Variants in KIRREL3 observed in about 807,000 individuals in gnomAD.
The protein encoded by KIRREL3 is kirre like nephrin family adhesion molecule 3.
KIRREL3 carries 36 observed loss-of-function variants against 89.7 expected under a neutral mutation model. That is an observed-to-expected ratio of 0.40 (90% CI 0.31 to 0.53). KIRREL3 has a LOEUF of 0.53. Among genes scored for constraint, KIRREL3 ranks in the 20% least tolerant of loss-of-function variants. The probability of loss-of-function intolerance (pLI) is 0.49; values close to 1 mark genes in which losing one functional copy is unlikely to be tolerated. For missense variants in KIRREL3, 864 were observed against 1,056.6 expected (o/e 0.82, Z 2.53); for synonymous variants, 445 against 441.4 (o/e 1.01, Z -0.10).
intron 2 of KIRREL3, among the ~76,000 whole-genome samples, chr11:126,552,556 T>TG (rs1939359172): frequency 2.7e-5 from 2 of 73,848 alleles, no homozygotes; most frequent in East Asian, 2.6e-4. Context: ...AAAAGTTTTT[T>TG]TTTTTTTTTT....
intron 1 of KIRREL3, among the ~76,000 whole-genome samples, chr11:126,821,283 A>T (rs1943206572): frequency 6.8e-6 from 1 of 147,408 alleles, no homozygotes; most frequent in Non-Finnish European, 1.5e-5. Context: ...TCACCACTGT[A>T]AAGCTGATAG....
rs375880406 is a variant in KIRREL3, at chr11:126,766,362, G to A, written c.56-203450C>T. Among the ~76,000 whole-genome samples the A allele has an allele frequency of 2.0e-5, 3 of 152,020 alleles. No individual in the cohort carries two copies. The highest frequency in any genetic ancestry group is 4.4e-5 in the Non-Finnish European group (3 of 68,010). On this transcript the variant is annotated intron_variant, in intron 1 of 16. Transcript: ENST00000525144. The surrounding 1 kb of genome is among the most constrained non-coding windows in gnomAD (Gnocchi z 4.2). ...GCAGAATTAGAACACTCACTCCTACGCGGAGAAGAAAAAACTTGGGGAGAG... is the reference window on the plus strand; with the variant it reads ...GCAGAATTAGAACACTCACTCCTACACGGAGAAGAAAAAACTTGGGGAGAG...
intron 11 of KIRREL3, among the ~76,000 whole-genome samples, chr11:126,437,309 C>G (rs1440709962): frequency 6.6e-6 from 1 of 152,142 alleles, no homozygotes; most frequent in Non-Finnish European, 1.5e-5. Flanking sequence ...TACACAGCTC[C>G]CCACACATGG....
chr11:126,552,666 T>G (rs1189426996), intron 2 of KIRREL3, among the ~76,000 whole-genome samples: 1 of 147,046 alleles, frequency 6.8e-6, no homozygotes, highest in Non-Finnish European at 1.5e-5. Flanking sequence ...GTTCAAGTGA[T>G]TCTCCTGCCT....
rs907361144 is a variant in KIRREL3 at position 126,531,665 on chromosome 11, T to C, written c.134-4978A>G. 2.6e-5 allele frequency among the ~76,000 whole-genome samples: 4 copies of C among 152,058 alleles called. No individual in the cohort carries two copies. Among genetic ancestry groups the C allele is most frequent in the Admixed American group, 2.6e-4 (4 of 15,264 alleles). ...GTGACCCAGATGGAATCTTCTTTTT[T>C]CTCGTCTTCTCTCTATATTCTCATC... On this transcript the variant is annotated intron_variant, in intron 2 of 16. Coordinates refer to ENST00000525144, the MANE Select transcript of KIRREL3 (RefSeq NM_032531.4). The surrounding 1 kb of genome is among the most constrained non-coding windows in gnomAD (Gnocchi z 4.7).
chr11:126,953,338 G>C lies in KIRREL3; in HGVS notation c.55+47117C>G, dbSNP rs563891898. Among the ~76,000 whole-genome samples, 1 of 152,012 alleles carries C rather than the reference G, an allele frequency of 6.6e-6. No individual in the cohort carries two copies. The highest frequency in any genetic ancestry group is 2.4e-5 in the African/African-American group (1 of 41,368). ...CATACACCGGGGCTTGTTGTGGGGT[G>C]GGGGGCTAGGGGAGAGATAGCATTA... On this transcript the variant is annotated intron_variant, in intron 1 of 16. Transcript: ENST00000525144. The surrounding 1 kb of genome is among the most constrained non-coding windows in gnomAD (Gnocchi z 5.2).
rs1341301000 is a variant in KIRREL3 at position 126,891,596 on chromosome 11, G to A, written c.55+108859C>T. ...CTGCTATCACTATCACTGTCAGGGA[G>A]CAAACGGCAGAAGCCAGTCTCAGGG... On this transcript the variant is annotated intron_variant, in intron 1 of 16. Transcript: ENST00000525144. This position sits in a 1 kb window ranked among gnomAD's most constrained non-coding sequence, Gnocchi z 5.1. Among the ~76,000 whole-genome samples the A allele has an allele frequency of 3.9e-5, 6 of 152,226 alleles. No homozygotes were observed. Among genetic ancestry groups the A allele is most frequent in the Non-Finnish European group, 7.3e-5 (5 of 68,034 alleles).
intron 1 of KIRREL3, among the ~76,000 whole-genome samples, chr11:126,577,700 T>C (rs1242486726): frequency 6.6e-6 from 1 of 151,576 alleles, no homozygotes; most frequent in Non-Finnish European, 1.5e-5. Context: ...AAGCGGAGGT[T>C]GCAGTGAGCT....
At chr11:126,933,224 C>T (rs1202915998) in intron 1 of KIRREL3, among the ~76,000 whole-genome samples, 1 of 152,156 alleles carries the variant, frequency 6.6e-6, no homozygotes, top group African/African-American at 2.4e-5. Flanking sequence ...ACTCCATCTC[C>T]TGTCCCACTA....
In KIRREL3 at chr11:126,963,922, C is replaced by A. The variant is rs548058551; in HGVS notation, c.55+36533G>T. On this transcript the variant is annotated intron_variant, in intron 1 of 16. Coordinates refer to ENST00000525144, the MANE Select transcript of KIRREL3 (RefSeq NM_032531.4). ...ATTTGCACATGTCCCATTTCCCCAC[C>A]TGCACTTGTCCATAACGGAAGAGGG... is the stretch of plus-strand genomic sequence containing the variant. 5.9e-5 allele frequency among the ~76,000 whole-genome samples: 9 copies of A among 152,302 alleles called. No individual in the cohort carries two copies. The South Asian group carries it at 1.9e-3, about 32-fold the overall frequency.
intron 1 of KIRREL3, among the ~76,000 whole-genome samples, chr11:126,718,918 A>T (rs1400596631): frequency 6.6e-6 from 1 of 151,946 alleles, no homozygotes; most frequent in Non-Finnish European, 1.5e-5. Context: ...CCCTTCTCCC[A>T]CTCAAGGGCG....
intron 1 of KIRREL3, among the ~76,000 whole-genome samples, chr11:126,726,041 T>G (rs1414179922): frequency 6.6e-6 from 1 of 152,182 alleles, no homozygotes; most frequent in African/African-American, 2.4e-5. Flanking sequence ...TGGAAACATG[T>G]GGACTGCAGT....
At position 126,557,214 on chromosome 11, in the gene KIRREL3, C is replaced by T. The variant is rs116936196; in HGVS notation, c.133+5621G>A. ...GCACAGCTCATCCCACAGGCCTGCC[C>T]GACTCTTTCCCTGCCACCCAGCATA... On this transcript the variant is annotated intron_variant, in intron 2 of 16. Coordinates refer to ENST00000525144, the MANE Select transcript of KIRREL3 (RefSeq NM_032531.4). This position sits in a 1 kb window ranked among gnomAD's most constrained non-coding sequence, Gnocchi z 5.6. 4.7e-3 allele frequency among the ~76,000 whole-genome samples: 710 copies of T among 152,198 alleles called. 1 individual carries two copies. The highest frequency in any genetic ancestry group is 0.017 in the Middle Eastern group (5 of 292).
At chr11:126,439,403 A>T (rs1487942354) in intron 11 of KIRREL3, among the ~76,000 whole-genome samples, 2 of 151,750 alleles carry the variant, frequency 1.3e-5, no homozygotes, top group African/African-American at 4.8e-5. Flanking sequence ...ACAGGGTCTC[A>T]CTATGTTGCC....
chr11:126,660,373 T>C (rs1422115229), intron 1 of KIRREL3, among the ~76,000 whole-genome samples: 1 of 152,214 alleles, frequency 6.6e-6, no homozygotes, highest in East Asian at 1.9e-4. Context: ...GAAAACATGA[T>C]ACTGCTGAGA....
chr11:126,882,921 A>C (rs1336087694), intron 1 of KIRREL3, among the ~76,000 whole-genome samples: 1 of 152,198 alleles, frequency 6.6e-6, no homozygotes, highest in South Asian at 2.1e-4. Context: ...CTTGTTGGAC[A>C]TTCAATGACT....
intron 1 of KIRREL3, among the ~76,000 whole-genome samples, chr11:126,806,653 T>C (rs952453209): frequency 8.5e-5 from 13 of 152,188 alleles, no homozygotes; most frequent in Admixed American, 8.5e-4. Flanking sequence ...GGATTGGATA[T>C]TAACCATGTT....
Position 126,550,873 on chromosome 11 carries a change from T to C in KIRREL3, c.133+11962A>G, listed in dbSNP as rs1939204214. On this transcript the variant is annotated intron_variant, in intron 2 of 16. Coordinates refer to ENST00000525144, the MANE Select transcript of KIRREL3 (RefSeq NM_032531.4). The surrounding 1 kb of genome is among the most constrained non-coding windows in gnomAD (Gnocchi z 4.9). ...GTGTCCTCCAATTCAATTCTGACAC[T>C]GTCTACCTGGAGATAGTGTCAGATC... Among the ~76,000 whole-genome samples, 2 of 152,140 alleles carry C rather than the reference T, an allele frequency of 1.3e-5. No individual in the cohort carries two copies. Among genetic ancestry groups the C allele is most frequent in the African/African-American group, 4.8e-5 (2 of 41,436 alleles).
chr11:126,790,608 T>A (rs1950608111), intron 1 of KIRREL3, among the ~76,000 whole-genome samples: 1 of 152,218 alleles, frequency 6.6e-6, no homozygotes, highest in Admixed American at 6.5e-5. Flanking sequence ...TTTTTTCCTA[T>A]TGTTTTGGCC....
Sources: gnomAD v4.1 joint callset for allele counts (sites outside exome capture counted in the v4.1 genomes callset) on GRCh38, gnomAD v4.1.1 for gene constraint, Gnocchi (gnomAD v3.1) non-coding constraint, MANE v1.5 for transcripts, NCBI Gene and HGNC (gene_info 2026-07-23, HGNC 2026-07-21) for gene names.